RBFOX1: variants seen among roughly 807,000 people sequenced by gnomAD.
RBFOX1 encodes RNA binding fox-1 homolog 1, also known as RNA binding protein fox-1 homolog 1.
In RBFOX1, 8 loss-of-function variants were observed where a neutral mutation model predicts 57.7. The ratio of observed to expected loss-of-function variants is 0.14; its 90% CI spans 0.08 to 0.25. The LOEUF (loss-of-function observed/expected upper bound fraction) is 0.25, where lower values mean the gene tolerates loss of function less well. RBFOX1 is among the 10% of genes least tolerant of loss of function. The pLI, the probability that RBFOX1 is intolerant of heterozygous loss-of-function variation, is 1.00. For synonymous variants in RBFOX1, 326 were observed against 222.4 expected, an observed-to-expected ratio of 1.47 and a Z score of -4.15; for missense variants, 611 against 548.5, an observed-to-expected ratio of 1.11 and a Z score of -1.14.
chr16:6,854,722 G>A (rs1353213221), intron 3 of RBFOX1, among the ~76,000 whole-genome samples: 1 of 149,928 alleles, frequency 6.7e-6, no homozygotes, highest in Non-Finnish European at 1.5e-5. Context: ...AGCCTCCCGA[G>A]TAGCTGGAAC....
At chr16:6,006,142 G>C (rs1422158145) in intron 4 of RBFOX1, among the ~76,000 whole-genome samples, 1 of 152,194 alleles carries the variant, frequency 6.6e-6, no homozygotes, top group African/African-American at 2.4e-5. Flanking sequence ...TGGCTGTTTA[G>C]CATCTGTATA....
intron 4 of RBFOX1, among the ~76,000 whole-genome samples, chr16:5,885,352 G>A (rs2057873450): frequency 1.3e-5 from 2 of 150,728 alleles, no homozygotes; most frequent in Non-Finnish European, 2.9e-5. Flanking sequence ...AAATACGACT[G>A]CATTTTTCCC....
intron 14 of RBFOX1, among the ~76,000 whole-genome samples, chr16:7,700,031 C>G (rs972986250): frequency 2.0e-5 from 3 of 152,090 alleles, no homozygotes; most frequent in Admixed American, 6.5e-5. Flanking sequence ...AGGGACATTC[C>G]TTGGGGTTCA....
At chr16:6,915,787 G>A (rs8044431) in intron 3 of RBFOX1, among the ~76,000 whole-genome samples, 42,045 of 151,970 alleles carry the variant, frequency 0.28, 5,880 homozygotes, top group Middle Eastern at 0.34. Context: ...CCTGTACTCA[G>A]GTGATCTGCC....
intron 4 of RBFOX1, among the ~76,000 whole-genome samples, chr16:7,405,709 C>G (rs1029281696): frequency 2.0e-5 from 3 of 152,174 alleles, no homozygotes; most frequent in African/African-American, 2.4e-5. Flanking sequence ...GTCAGCCTTC[C>G]CTGTTACCAG....
chr16:6,037,922 G>A (rs1029010551), intron 1 of RBFOX1: 6 of 151,916 alleles, frequency 3.9e-5, no homozygotes, highest in African/African-American at 1.2e-4. Flanking sequence ...TGTGCATAAC[G>A]CTAATGAAAA....
chr16:5,433,571 G>A (rs1012682278), intron 1 of RBFOX1, among the ~76,000 whole-genome samples: 2 of 152,110 alleles, frequency 1.3e-5, no homozygotes, highest in African/African-American at 2.4e-5. Context: ...CACAAAGAGA[G>A]GGACACAAAG....
chr16:5,831,889 A>G (rs2056287877), intron 3 of RBFOX1, among the ~76,000 whole-genome samples: 1 of 152,194 alleles, frequency 6.6e-6, no homozygotes, highest in East Asian at 1.9e-4. Flanking sequence ...CCATGCTTGG[A>G]TCTTGGTCAC....
intron 4 of RBFOX1, among the ~76,000 whole-genome samples, chr16:7,086,721 T>TACACACACACACACACAGAC (rs1555460282): frequency 1.5e-4 from 22 of 149,390 alleles, no homozygotes; most frequent in Non-Finnish European, 1.6e-4. Flanking sequence ...GAAGAATGTA[T>TACACACACACACACACAGAC]ACACACACAC....
intron 4 of RBFOX1, among the ~76,000 whole-genome samples, chr16:7,112,269 C>A (rs1452657635): frequency 6.6e-6 from 1 of 152,122 alleles, no homozygotes; most frequent in African/African-American, 2.4e-5. Context: ...GTGGTGCAAT[C>A]TCGGCTCACT....
chr16:6,722,078 T>G (rs2066115086), intron 3 of RBFOX1: 1 of 152,204 alleles, frequency 6.6e-6, no homozygotes, highest in Non-Finnish European at 1.5e-5. Flanking sequence ...GCTTTCACCT[T>G]TGGGCTATTA....
rs1003724022 is a variant in RBFOX1 at position 7,597,101 on chromosome 16, T to G, written c.562-270T>G. The G allele has an allele frequency of 3.3e-5, 9 of 275,752 alleles. No homozygotes were observed. In the East Asian group the frequency reaches 6.5e-4, roughly 20 times the overall value. The allele number at this position is 275,752 out of a possible 1,614,324, so 17.1% of individuals were successfully genotyped here. On this transcript the variant is annotated intron_variant, in intron 8 of 15. Transcript: ENST00000550418. ...TTAAATCTTCAATTATGCAGAATCT[T>G]TTAATTTGCTTTTACTGTCCCTTTA...
chr16:6,676,125 G>A (rs8050298), intron 3 of RBFOX1, among the ~76,000 whole-genome samples: 148,060 of 150,846 alleles, frequency 0.98, 72,717 homozygotes, highest in Middle Eastern at 1. Flanking sequence ...TGCTGCCTAG[G>A]GGACACACAC....
chr16:7,542,378 C>G (rs8052494), intron 5 of RBFOX1, among the ~76,000 whole-genome samples: 25,695 of 152,078 alleles, frequency 0.17, 2,731 homozygotes, highest in East Asian at 0.36. Flanking sequence ...TCCACCCCAC[C>G]TCTTCTGGAT....
intron 1 of RBFOX1, chr16:6,038,665 G>A (rs1174682100): frequency 1.4e-5 from 2 of 147,554 alleles, no homozygotes; most frequent in Non-Finnish European, 3.0e-5. Context: ...AGGAGCTTTT[G>A]TGACCCATTA....
At chr16:7,696,744 A>C (rs77417570) in intron 14 of RBFOX1, among the ~76,000 whole-genome samples, 5,668 of 152,282 alleles carry the variant, frequency 0.037, 134 homozygotes, top group Non-Finnish European at 0.056. Flanking sequence ...TAATGAATCA[A>C]AAAGCAGGGG....
chr16:6,625,731 T>C (rs1009308227), intron 2 of RBFOX1, among the ~76,000 whole-genome samples: 4 of 147,586 alleles, frequency 2.7e-5, no homozygotes, highest in Non-Finnish European at 6.0e-5. Context: ...ATTTCCACCA[T>C]ATTTTTCAAT....
intron 1 of RBFOX1, among the ~76,000 whole-genome samples, chr16:6,299,082 C>T (rs914483920): frequency 1.3e-5 from 2 of 152,184 alleles, no homozygotes; most frequent in African/African-American, 2.4e-5. Flanking sequence ...TTGCAACCCA[C>T]AGTCTTGTTT....
chr16:6,100,878 T>C (rs1207337837), intron 1 of RBFOX1, among the ~76,000 whole-genome samples: 18 of 152,164 alleles, frequency 1.2e-4, no homozygotes. Flanking sequence ...AGTGTTCTTA[T>C]GTGTAAGAAG....
Sources: gnomAD v4.1 joint callset for allele counts (sites outside exome capture counted in the v4.1 genomes callset) on GRCh38, gnomAD v4.1.1 for gene constraint, MANE v1.5 for transcripts, NCBI Gene and HGNC (gene_info 2026-07-23, HGNC 2026-07-21) for gene names.